Variants in SLIT2 observed in about 807,000 individuals in gnomAD.
SLIT2 encodes the protein slit homolog 2 protein.
Under a neutral mutation model 185.7 loss-of-function variants are expected in SLIT2, and 41 were observed. That is an observed-to-expected ratio of 0.22 (90% CI 0.17 to 0.29). SLIT2 has a LOEUF of 0.29. SLIT2 is among the 10% of genes least tolerant of loss of function. The probability of loss-of-function intolerance (pLI) is 1.00; values close to 1 mark genes in which losing one functional copy is unlikely to be tolerated. For synonymous variants in SLIT2, 693 were observed against 680.2 expected (o/e 1.02, Z -0.29); for missense variants, 1,571 against 1,909.0 (o/e 0.82, Z 3.30).
At chr4:20,617,410 T>A in intron 35 of SLIT2, 29 bp from the exon 36 acceptor site, 1 of 1,593,304 alleles carries the variant, frequency 6.3e-7, no homozygotes, top group Non-Finnish European at 8.6e-7. Flanking sequence ...CTGAATGCAT[T>A]CCCACTCCTG....
At chr4:20,466,808 T>C (rs1163109227) in intron 4 of SLIT2, among the ~76,000 whole-genome samples, 1 of 152,210 alleles carries the variant, frequency 6.6e-6, no homozygotes, top group Non-Finnish European at 1.5e-5. Flanking sequence ...CCTAGAATTT[T>C]AAAGATAATT....
chr4:20,537,940 C>G (rs577250710), intron 18 of SLIT2, among the ~76,000 whole-genome samples: 17 of 152,180 alleles, frequency 1.1e-4, no homozygotes, highest in South Asian at 8.3e-4. Flanking sequence ...TCAAACTTTT[C>G]TCTTTTTTAA....
At chr4:20,525,103 T>C in intron 14 of SLIT2, 46 bp from the exon 15 acceptor site, 2 of 1,423,422 alleles carry the variant, frequency 1.4e-6, no homozygotes, top group East Asian at 2.3e-5. Flanking sequence ...CTCTGCTTGC[T>C]GACATTCAGG....
chr4:20,321,162 G>A (rs1044975695), intron 4 of SLIT2, among the ~76,000 whole-genome samples: 1 of 151,996 alleles, frequency 6.6e-6, no homozygotes, highest in African/African-American at 2.4e-5. Context: ...AAAAACTAAA[G>A]CTAAATTTAC....
intron 4 of SLIT2, among the ~76,000 whole-genome samples, chr4:20,271,099 A>G (rs1432604011): frequency 6.6e-6 from 1 of 152,012 alleles, no homozygotes; most frequent in Non-Finnish European, 1.5e-5. Flanking sequence ...ATTTTCTCAC[A>G]TGATACAGAT....
At chr4:20,293,190 A>T (rs942219305) in intron 4 of SLIT2, among the ~76,000 whole-genome samples, 1 of 152,230 alleles carries the variant, frequency 6.6e-6, no homozygotes, top group African/African-American at 2.4e-5. Flanking sequence ...AAGCTGTTTT[A>T]AAGACTCTGA....
chr4:20,573,841 T>C (rs1303681236), intron 29 of SLIT2, among the ~76,000 whole-genome samples: 1 of 152,126 alleles, frequency 6.6e-6, no homozygotes, highest in Non-Finnish European at 1.5e-5. Context: ...AGGTAGTATG[T>C]TTAAGCATAA....
At chr4:20,529,357 GGT>G (rs1721581744) in intron 16 of SLIT2, among the ~76,000 whole-genome samples, 1 of 151,972 alleles carries the variant, frequency 6.6e-6, no homozygotes, top group African/African-American at 2.4e-5. Flanking sequence ...TAATAACAAT[GGT>G]ATTTATTTGA....
intron 4 of SLIT2, among the ~76,000 whole-genome samples, chr4:20,383,312 T>C (rs1724678471): frequency 6.6e-6 from 1 of 152,116 alleles, no homozygotes; most frequent in African/African-American, 2.4e-5. Flanking sequence ...GGAAGTATTT[T>C]AAAAATACAT....
At chr4:20,475,629 C>T (rs1057391381) in intron 5 of SLIT2, among the ~76,000 whole-genome samples, 2 of 152,046 alleles carry the variant, frequency 1.3e-5, no homozygotes, top group Non-Finnish European at 2.9e-5. Context: ...CTAATTTCTC[C>T]TTCCCAAGTT....
intron 33 of SLIT2, among the ~76,000 whole-genome samples, chr4:20,607,622 T>A (rs1728889452): frequency 6.6e-6 from 1 of 152,196 alleles, no homozygotes; most frequent in Non-Finnish European, 1.5e-5. Flanking sequence ...ACACACTGCA[T>A]TAGGGTGTTT....
intron 34 of SLIT2, chr4:20,614,854 G>A (rs1312728597): frequency 6.6e-6 from 1 of 151,792 alleles, no homozygotes; most frequent in Non-Finnish European, 1.5e-5. Context: ...GATTGACTCA[G>A]AATAATTCCT....
chr4:20,307,602 T>C (rs1401810348), intron 4 of SLIT2, among the ~76,000 whole-genome samples: 1 of 152,138 alleles, frequency 6.6e-6, no homozygotes, highest in Non-Finnish European at 1.5e-5. Flanking sequence ...ACTTGTTCAA[T>C]CTATATATGC....
In SLIT2 at chr4:20,618,927, C is replaced by T. The variant is rs1729888951; in HGVS notation, c.4508C>T (p.Ser1503Phe). The T allele has an allele frequency of 6.2e-7, 1 of 1,614,098 alleles. No homozygotes were observed. Among genetic ancestry groups the T allele is most frequent in the Non-Finnish European group, 8.5e-7 (1 of 1,180,008 alleles). ...CTGAGGAGCAAGCGGCGGAAATACT[C>T]TTTCGAATGCACTGACGGCTCCTCC... ...GPLRSKRRKY[S>F]FECTDGSSFV... The change falls in exon 37 of 37, where the codon TCT (serine) becomes TTT (phenylalanine). Residue 1503 changes from serine (S) to phenylalanine (F), a missense_variant. Ser to Phe is a radical substitution (Grantham distance 155, BLOSUM62 -2). This residue lies in a region of SLIT2 where 223 missense variants were observed against 245.2 expected (regional missense o/e 0.91). Coordinates refer to ENST00000504154, the MANE Select transcript of SLIT2 (RefSeq NM_004787.4).
At chr4:20,312,108 A>C (rs1319140817) in intron 4 of SLIT2, among the ~76,000 whole-genome samples, 1 of 152,210 alleles carries the variant, frequency 6.6e-6, no homozygotes, top group Non-Finnish European at 1.5e-5. Context: ...TTTTATTTTC[A>C]GAACAGTTTC....
chr4:20,320,858 T>G (rs564884184), intron 4 of SLIT2, among the ~76,000 whole-genome samples: 12 of 152,280 alleles, frequency 7.9e-5, no homozygotes, highest in Admixed American at 3.3e-4. Flanking sequence ...GACAACTCCA[T>G]CAAACACATA....
intron 4 of SLIT2, among the ~76,000 whole-genome samples, chr4:20,349,137 G>T (rs1159439711): frequency 6.6e-6 from 1 of 152,154 alleles, no homozygotes. Flanking sequence ...GTGGACAAGA[G>T]GTTTCCATAC....
Position 20,257,986 on chromosome 4 carries a change from T to A in SLIT2, c.323+47T>A, listed in dbSNP as rs780225812. 5.9e-5 allele frequency: 53 copies of A among 896,236 alleles called. No individual in the cohort carries two copies. In the African/African-American group the frequency reaches 8.2e-4, roughly 14 times the overall value. The allele number at this position is 896,236 out of a possible 1,614,324, so 55.5% of individuals were successfully genotyped here. A position where few individuals can be genotyped will look rare whatever the true frequency, so the allele number is the denominator to read the frequency against. On this transcript the variant is annotated intron_variant, in intron 3 of 36. Coordinates refer to ENST00000504154, the MANE Select transcript of SLIT2 (RefSeq NM_004787.4). Reference sequence around the variant, plus strand: ...GTTATGACAACATAACTGTGTTTTTTAAAAATACTTAAATTTCAAGCATCA... The same window carrying A: ...GTTATGACAACATAACTGTGTTTTTAAAAAATACTTAAATTTCAAGCATCA...
At chr4:20,397,181 G>T (rs1725962146) in intron 4 of SLIT2, among the ~76,000 whole-genome samples, 2 of 151,498 alleles carry the variant, frequency 1.3e-5, no homozygotes, top group African/African-American at 4.8e-5. Flanking sequence ...AAGTTTAGTG[G>T]GTAAGACACC....
Sources: allele counts gnomAD v4.1 joint callset (sites outside exome capture counted in the v4.1 genomes callset), GRCh38; gene constraint gnomAD v4.1.1; regional missense constraint gnomAD v4.1.1; transcripts MANE v1.5; gene names NCBI Gene and HGNC (gene_info 2026-07-23, HGNC 2026-07-21).